The following TSHR variants were observed in gnomAD, a reference collection of about 807,000 sequenced individuals.
TSHR encodes the protein thyroid stimulating hormone receptor.
TSHR carries 51 observed loss-of-function variants against 64.1 expected under a neutral mutation model. The ratio of observed to expected loss-of-function variants is 0.80; its 90% CI spans 0.64 to 1.01. TSHR has a LOEUF of 1.01. Ranked by LOEUF, TSHR falls within the 50% of genes least tolerant of loss-of-function variation. The pLI is 0.00. For missense variants in TSHR, 877 were observed against 942.8 expected, an observed-to-expected ratio of 0.93 and a Z score of 0.91; for synonymous variants, 361 against 361.9, an observed-to-expected ratio of 1.00 and a Z score of 0.03.
intron 3 of TSHR, among the ~76,000 whole-genome samples, chr14:81,080,475 C>A (rs1887823252): frequency 6.6e-6 from 1 of 152,148 alleles, no homozygotes; most frequent in African/African-American, 2.4e-5. Context: ...AGAATCACTT[C>A]TATAATGTTC....
At chr14:81,129,209 C>T (rs1371556934) in intron 8 of TSHR, among the ~76,000 whole-genome samples, 1 of 152,100 alleles carries the variant, frequency 6.6e-6, no homozygotes. Flanking sequence ...AAACATCCTG[C>T]TCTCTTTCTA....
At chr14:81,096,787 A>G in intron 7 of TSHR, 80 bp downstream of exon 7, 1 of 1,464,542 alleles carries the variant, frequency 6.8e-7, no homozygotes, top group South Asian at 1.2e-5. Flanking sequence ...CTGTTGAGAG[A>G]TAGGTTCTAC....
In TSHR at chr14:80,979,920, G is replaced by A. The variant is rs1048744447; in HGVS notation, c.170+24070G>A. Among the ~76,000 whole-genome samples, 5 of 152,222 alleles carry A rather than the reference G, an allele frequency of 3.3e-5. No individual in the cohort carries two copies. The South Asian group carries it at 6.2e-4, about 19-fold the overall frequency. On this transcript the variant is annotated intron_variant, in intron 1 of 9. Coordinates refer to ENST00000298171, the MANE Select transcript of TSHR (RefSeq NM_000369.5). ...AGTGAGGGTGATCAGCCTGTACTGC[G>A]GATGGGGTCTCGGTCTCTTGAGTAA... is the stretch of plus-strand genomic sequence containing the variant.
intron 8 of TSHR, among the ~76,000 whole-genome samples, chr14:81,137,868 T>A (rs1376259503): frequency 6.6e-6 from 1 of 152,110 alleles, no homozygotes; most frequent in Non-Finnish European, 1.5e-5. Flanking sequence ...AGCAGGGAAA[T>A]GAGCCATGAG....
intron 1 of TSHR, among the ~76,000 whole-genome samples, chr14:80,972,856 T>C (rs1303468651): frequency 6.6e-6 from 1 of 152,238 alleles, no homozygotes; most frequent in African/African-American, 2.4e-5. Context: ...GTAAATGGAA[T>C]GCTACCTTAT....
At chr14:81,015,171 G>A (rs1298911758) in intron 1 of TSHR, among the ~76,000 whole-genome samples, 1 of 152,096 alleles carries the variant, frequency 6.6e-6, no homozygotes, top group Non-Finnish European at 1.5e-5. Context: ...CCTTTTGTTT[G>A]AGAAACTCTA....
chr14:81,122,694 C>T (rs1890855155), intron 8 of TSHR, among the ~76,000 whole-genome samples: 1 of 152,080 alleles, frequency 6.6e-6, no homozygotes, highest in Admixed American at 6.5e-5. Flanking sequence ...AATACTTACA[C>T]TTATGGAAGG....
At chr14:80,972,080 G>A (rs181591605) in intron 1 of TSHR, among the ~76,000 whole-genome samples, 189 of 152,254 alleles carry the variant, frequency 1.2e-3, no homozygotes, top group African/African-American at 4.5e-3. Context: ...TTCATGCCTT[G>A]AAGCCAGATA....
At chr14:81,063,697 G>A (rs925729387) in intron 2 of TSHR, among the ~76,000 whole-genome samples, 8 of 152,058 alleles carry the variant, frequency 5.3e-5, no homozygotes, top group African/African-American at 1.9e-4. Context: ...ACTTTGCTAG[G>A]TGTTCCGTAC....
At chr14:81,121,758 A>G (rs141872045) in intron 8 of TSHR, among the ~76,000 whole-genome samples, 3 of 152,138 alleles carry the variant, frequency 2.0e-5, no homozygotes, top group African/African-American at 4.8e-5. Context: ...CTTAGCCAAC[A>G]TGGTGAAACT....
chr14:81,131,049 G>A (rs1353253004), intron 8 of TSHR, among the ~76,000 whole-genome samples: 1 of 150,454 alleles, frequency 6.6e-6, no homozygotes, highest in African/African-American at 2.4e-5. Context: ...CCATCTGGAT[G>A]TCTAATAGGC....
intron 8 of TSHR, among the ~76,000 whole-genome samples, chr14:81,109,157 C>T (rs1188028944): frequency 6.6e-6 from 1 of 152,206 alleles, no homozygotes; most frequent in African/African-American, 2.4e-5. Context: ...CACCTGTAAT[C>T]CCAGCACTTT....
rs117534267 is a variant in TSHR, at chr14:81,040,705, A to G, written c.171-21443A>G. 8.7e-3 allele frequency among the ~76,000 whole-genome samples: 1,320 copies of G among 152,344 alleles called. 11 individuals are homozygous for G. Among genetic ancestry groups the G allele is most frequent in the Non-Finnish European group, 0.012 (815 of 68,018 alleles). ...AAAGAGCTTTGGCACAGCAAAAGTA[A>G]CTATCAACAGAGTAAACAGACAACC... On this transcript the variant is annotated intron_variant, in intron 1 of 9. Coordinates refer to ENST00000298171, the MANE Select transcript of TSHR (RefSeq NM_000369.5).
rs1279865262 is a variant in TSHR, at chr14:81,145,724, G to A, written c.*1371G>A. The A allele has an allele frequency of 4.3e-6, 1 of 232,930 alleles. No individual in the cohort carries two copies. The highest frequency in any genetic ancestry group is 2.2e-5 in the African/African-American group (1 of 45,280). 14.4% of individuals were successfully genotyped at this position (232,930 alleles called of 1,614,324 possible). A position where few individuals can be genotyped will look rare whatever the true frequency, so the allele number is the denominator to read the frequency against. On this transcript the variant is annotated 3_prime_UTR_variant, in exon 10 of 10. Coordinates refer to ENST00000298171, the MANE Select transcript of TSHR (RefSeq NM_000369.5). ...ACTGCCAGCTCTTTCCAGCCCTGTT[G>A]ATCACTGGACATAAAGCTTCTTTTC...
chr14:81,109,408 C>CA (rs1890126661), intron 8 of TSHR, among the ~76,000 whole-genome samples: 1 of 151,438 alleles, frequency 6.6e-6, no homozygotes. Context: ...GAGTCTGTCT[C>CA]AAAAAACAAC....
chr14:80,961,326 C>T (rs1887017460), intron 1 of TSHR, among the ~76,000 whole-genome samples: 1 of 152,228 alleles, frequency 6.6e-6, no homozygotes. Context: ...CAAATAATTA[C>T]ATAAACACAG....
chr14:80,995,350 T>A (rs958338707), intron 1 of TSHR: 3 of 152,172 alleles, frequency 2.0e-5, no homozygotes, highest in African/African-American at 7.2e-5. Context: ...CACAGGAATA[T>A]AAATAATTCT....
At chr14:81,073,016 AAATAAATAT>A (rs1316732137) in intron 3 of TSHR, among the ~76,000 whole-genome samples, 2 of 81,872 alleles carry the variant, frequency 2.4e-5, no homozygotes, top group Non-Finnish European at 2.1e-5. Context: ...AAAAAATAAA[AAATAAATAT>A]ATATATATAT....
chr14:81,040,620 C>T (rs1884873835), intron 1 of TSHR, among the ~76,000 whole-genome samples: 1 of 151,810 alleles, frequency 6.6e-6, no homozygotes, highest in African/African-American at 2.4e-5. Flanking sequence ...AGCAAAAAAA[C>T]AAATACAGTC....
Sources: allele counts gnomAD v4.1 joint callset (sites outside exome capture counted in the v4.1 genomes callset), GRCh38; gene constraint gnomAD v4.1.1; transcripts MANE v1.5; gene names NCBI Gene and HGNC (gene_info 2026-07-23, HGNC 2026-07-21).